The following SPOCK2 variants were observed in gnomAD, a reference collection of about 807,000 sequenced individuals.
SPOCK2 encodes SPARC (osteonectin), cwcv and kazal like domains proteoglycan 2.
A neutral mutation model predicts 60.1 loss-of-function variants in SPOCK2; 39 were observed. That is an observed-to-expected ratio of 0.65 (90% CI 0.50 to 0.85). The LOEUF (loss-of-function observed/expected upper bound fraction) is 0.85, where lower values mean the gene tolerates loss of function less well. SPOCK2 is among the 40% of genes least tolerant of loss of function. SPOCK2 has a pLI of 0.00. For synonymous variants in SPOCK2, 217 were observed against 231.5 expected (o/e 0.94, Z 0.57); for missense variants, 523 against 567.4 (o/e 0.92, Z 0.80).
intron 1 of SPOCK2, among the ~76,000 whole-genome samples, chr10:72,085,012 G>A (rs1484783756): frequency 6.6e-6 from 1 of 152,144 alleles, no homozygotes; most frequent in Admixed American, 6.5e-5. Flanking sequence ...AGAAGAAAGA[G>A]AACAGTCAGC....
Position 72,072,923 on chromosome 10 carries a change from G to T in SPOCK2, c.190-13C>A. ...TCACCTCCACTTCCTGGAGATCAGGGAACAGCAGCAGGCCATGGAAAACGG... is the reference window on the plus strand; with the variant it reads ...TCACCTCCACTTCCTGGAGATCAGGTAACAGCAGCAGGCCATGGAAAACGG... On this transcript the variant is annotated splice_polypyrimidine_tract_variant and intron_variant, in intron 1 of 10. Transcript: ENST00000373109. 1 of 1,554,988 alleles carries T rather than the reference G, an allele frequency of 6.4e-7. No individual in the cohort carries two copies. Among genetic ancestry groups the T allele is most frequent in the Non-Finnish European group, 8.7e-7 (1 of 1,148,818 alleles).
chr10:72,081,307 G>A (rs1160002932), intron 1 of SPOCK2, among the ~76,000 whole-genome samples: 2 of 152,208 alleles, frequency 1.3e-5, no homozygotes, highest in African/African-American at 4.8e-5. Flanking sequence ...CAGAGACTTC[G>A]CGTCCTCTGC....
At chr10:72,074,813 T>G (rs1332160211) in intron 1 of SPOCK2, among the ~76,000 whole-genome samples, 1 of 152,176 alleles carries the variant, frequency 6.6e-6, no homozygotes, top group Admixed American at 6.5e-5. Context: ...TGCCTCCCCG[T>G]GTGTTCCTGT....
rs76884286 is a variant in SPOCK2, at chr10:72,074,894, G to C, written c.190-1984C>G. ...TGCTCGGCCCACACCTGGCCCACAC[G>C]TACCTGTCCTAGCAGCCAAGAGTCC... On this transcript the variant is annotated intron_variant, in intron 1 of 10. Transcript: ENST00000373109. Among the ~76,000 whole-genome samples the C allele has an allele frequency of 5.6e-4, 84 of 151,314 alleles. 1 individual carries two copies. The South Asian group carries it at 0.012, about 22-fold the overall frequency.
chr10:72,065,894 A>G (rs1668169), intron 8 of SPOCK2, among the ~76,000 whole-genome samples: 97,607 of 152,182 alleles, frequency 0.64, 33,180 homozygotes, highest in African/African-American at 0.89. Context: ...TTCCTGACGC[A>G]GATGAAGAAG....
At chr10:72,080,332 C>A (rs1289212684) in intron 1 of SPOCK2, among the ~76,000 whole-genome samples, 1 of 152,352 alleles carries the variant, frequency 6.6e-6, no homozygotes, top group Admixed American at 6.5e-5. Context: ...CTCTGAGAGG[C>A]CCTGTATCTG....
chr10:72,072,981 T>A, intron 1 of SPOCK2, 71 bp from the exon 2 acceptor site: 2 of 1,549,626 alleles, frequency 1.3e-6, no homozygotes, highest in Non-Finnish European at 1.7e-6. Flanking sequence ...GATGGGGATA[T>A]CAGTGTGAGG....
At chr10:72,070,851 A>G (rs532896363) in intron 4 of SPOCK2, among the ~76,000 whole-genome samples, 9 of 152,026 alleles carry the variant, frequency 5.9e-5, no homozygotes, top group Non-Finnish European at 1.3e-4. Context: ...ACCAAATGGG[A>G]GAGTTCACAT....
Position 72,065,704 on chromosome 10 carries a change from T to C in SPOCK2, c.928+1198A>G, listed in dbSNP as rs1190632728. Among the ~76,000 whole-genome samples the C allele has an allele frequency of 2.0e-5, 3 of 152,150 alleles. No homozygotes were observed. In the East Asian group the frequency reaches 5.8e-4, roughly 29 times the overall value. On this transcript the variant is annotated intron_variant, in intron 8 of 10. Transcript: ENST00000373109. ...AAAGTACAGAATGGATGGAGTGGCC[T>C]TCAAAGGCCCAGAAAGTCAAAGTGC...
rs987050856 is a variant in SPOCK2 at position 72,062,554 on chromosome 10, T to C, written c.*206A>G. 29 of 907,954 alleles carry C rather than the reference T, an allele frequency of 3.2e-5. 1 individual carries two copies. Among genetic ancestry groups the C allele is most frequent in the Middle Eastern group, 7.0e-4 (2 of 2,844 alleles). The allele number at this position is 907,954 out of a possible 1,614,324, so 56.2% of individuals were successfully genotyped here. ...AGCGCATGCCACACACACACACACA[T>C]ACACACATGCATGCACACATGCACT... On this transcript the variant is annotated 3_prime_UTR_variant, in exon 11 of 11. Transcript: ENST00000373109. This position sits in a 1 kb window ranked among gnomAD's most constrained non-coding sequence, Gnocchi z 4.3.
chr10:72,077,772 C>T (rs898538092), intron 1 of SPOCK2, among the ~76,000 whole-genome samples: 3 of 152,306 alleles, frequency 2.0e-5, no homozygotes, highest in Middle Eastern at 3.4e-3. Context: ...ATTCCAGGCC[C>T]GTTCCTGGAG....
At chr10:72,073,129 C>T (rs1840671520) in intron 1 of SPOCK2, among the ~76,000 whole-genome samples, 1 of 152,304 alleles carries the variant, frequency 6.6e-6, no homozygotes, top group South Asian at 2.1e-4. Context: ...CAAGACTGGC[C>T]TTAGGAGTAG....
chr10:72,063,268 C>T (rs945839359), intron 9 of SPOCK2, 106 bp from the exon 10 acceptor site: 22 of 1,464,462 alleles, frequency 1.5e-5, no homozygotes, highest in African/African-American at 4.2e-5. Context: ...TATACACCCC[C>T]AGAGCCCAGC....
intron 1 of SPOCK2, among the ~76,000 whole-genome samples, chr10:72,084,493 AGGCTGCTGGAGACACTGAG>A (rs1365681865): frequency 6.6e-6 from 1 of 152,124 alleles, no homozygotes; most frequent in Admixed American, 6.5e-5. Context: ...GGCTATAGGC[AGGCTGCTGGAGACACTGAG>A]GGCTTTGGCC....
At position 72,067,102 on chromosome 10, in the gene SPOCK2, C is replaced by T; in HGVS notation, c.728G>A (p.Gly243Glu). ...GPASGLDKSL[G>E]ASCKDSIGWM... ...GCCAATGGAGTCCTTGCAGCTGGCC[C>T]CCAGGCTCTTGTCCAGCCCTGGGAA... Residue 243 changes from glycine (G) to glutamate (E), a missense_variant, in exon 8 of 11, where the codon GGG becomes GAG. By Grantham distance (98) the Gly-to-Glu change is moderately conservative (BLOSUM62 -2). Transcript: ENST00000373109. 6.2e-7 allele frequency: 1 copy of T among 1,613,934 alleles called. No individual in the cohort carries two copies. Among genetic ancestry groups the T allele is most frequent in the Non-Finnish European group, 8.5e-7 (1 of 1,179,980 alleles).
At chr10:72,080,625 G>A (rs990490641) in intron 1 of SPOCK2, among the ~76,000 whole-genome samples, 3 of 152,010 alleles carry the variant, frequency 2.0e-5, no homozygotes, top group African/African-American at 7.2e-5. Context: ...GCTGGGAAGT[G>A]GGGGGCAGAG....
chr10:72,065,745 C>T (rs1840559379), intron 8 of SPOCK2, among the ~76,000 whole-genome samples: 1 of 152,166 alleles, frequency 6.6e-6, no homozygotes, highest in African/African-American at 2.4e-5. Flanking sequence ...TGATGCTGGT[C>T]GCAGGAGGGC....
rs114029226 is a variant in SPOCK2, at chr10:72,077,497, A to G, written c.190-4587T>C. On this transcript the variant is annotated intron_variant, in intron 1 of 10. Coordinates refer to ENST00000373109, the MANE Select transcript of SPOCK2 (RefSeq NM_001244950.2). ...AGACCCCTGAAATCCCATGGGTGGT[A>G]CCCAGCTCGGGCCACGCTTCTGTGC... Among the ~76,000 whole-genome samples, 569 of 152,162 alleles carry G rather than the reference A, an allele frequency of 3.7e-3. 8 individuals carry two copies. The highest frequency in any genetic ancestry group is 0.013 in the African/African-American group (546 of 41,508).
chr10:72,072,348 G>A, intron 3 of SPOCK2, 90 bp from the exon 4 acceptor site: 2 of 1,457,706 alleles, frequency 1.4e-6, no homozygotes, highest in Non-Finnish European at 9.2e-7. Context: ...TCTCCCTCCA[G>A]CAGCCCTTGA....
Sources: allele counts gnomAD v4.1 joint callset (sites outside exome capture counted in the v4.1 genomes callset), GRCh38; gene constraint gnomAD v4.1.1; non-coding constraint Gnocchi (gnomAD v3.1); transcripts MANE v1.5; gene names NCBI Gene and HGNC (gene_info 2026-07-23, HGNC 2026-07-21).